Variants in TAF4 observed in about 807,000 individuals in gnomAD.
TAF4 encodes the protein transcription initiation factor TFIID subunit 4.
In TAF4, 9 loss-of-function variants were observed where a neutral mutation model predicts 90.3. The observed-to-expected ratio is 0.10, with a 90% CI of 0.06 to 0.17. The LOEUF (loss-of-function observed/expected upper bound fraction) is 0.17. Among genes scored for constraint, TAF4 ranks in the 10% least tolerant of loss-of-function variants. The pLI is 1.00. For synonymous variants in TAF4, 818 were observed against 638.9 expected (o/e 1.28, Z -4.23); for missense variants, 1,351 against 1,370.7 (o/e 0.99, Z 0.23).
In TAF4 at chr20:62,065,622, C is replaced by T. The variant is rs1309890441; in HGVS notation, c.189G>A (p.Val63=). The change falls in exon 1 of 15, where the codon GTG becomes GTA. Residue 63 remains valine, a synonymous_variant. Transcript: ENST00000252996. ...AAAGALGNHV[V]SGSPAGAAGA... is the part of the protein sequence containing the mutation. The stretch of plus-strand genomic sequence containing the variant: ...CCGCGGCTCCGGCCGGGCTGCCGCT[C>T]ACAACATGGTTCCCGAGCGCGCCGG... 9 of 1,021,068 alleles carry T rather than the reference C, an allele frequency of 8.8e-6. No individual in the cohort carries two copies. Among genetic ancestry groups the T allele is most frequent in the Non-Finnish European group, 1.1e-5 (9 of 854,862 alleles). 63.3% of individuals were successfully genotyped at this position (1,021,068 alleles called of 1,614,324 possible). A position where few individuals can be genotyped will look rare whatever the true frequency, so the allele number is the denominator to read the frequency against.
Position 62,000,700 on chromosome 20 carries a change from A to T in TAF4, c.2508T>A (p.Asp836Glu). 1 of 1,614,260 alleles carries T rather than the reference A, an allele frequency of 6.2e-7. No individual in the cohort carries two copies. Among genetic ancestry groups the T allele is most frequent in the Non-Finnish European group, 8.5e-7 (1 of 1,180,050 alleles). ...GSFRDDDDIN[D>E]VASMAGVNLS... ...AGTTTACTCCAGCCATCGATGCAAC[A>T]TCATTAATGTCATCATCGTCCCTTG... is the stretch of plus-strand genomic sequence containing the variant. Residue 836 changes from aspartate to glutamate, a missense_variant, in exon 10 of 15, where the codon GAT (aspartate) becomes GAA (glutamate). Physicochemically the swap from Asp to Glu is conservative, Grantham distance 45. Transcript: ENST00000252996.
chr20:61,985,632 A>C (rs1226704618), intron 14 of TAF4, among the ~76,000 whole-genome samples: 2 of 151,642 alleles, frequency 1.3e-5, no homozygotes, highest in Non-Finnish European at 2.9e-5. Flanking sequence ...CTGAACACAG[A>C]AGTACATCTA....
rs1426375451 is a variant in TAF4, at chr20:62,007,202, T to C, written c.1974+345A>G. 2.0e-5 allele frequency among the ~76,000 whole-genome samples: 3 copies of C among 152,302 alleles called. No homozygotes were observed. In the East Asian group the frequency reaches 5.8e-4, roughly 29 times the overall value. On this transcript the variant is annotated intron_variant, in intron 6 of 14. Transcript: ENST00000252996. ...TTTTAAAATGTGCTGATACCAATGA[T>C]TACCCAACAGAGACAGCCTGACGCT... is the stretch of plus-strand genomic sequence containing the variant.
At chr20:61,984,516 G>A (rs1226926826) in intron 14 of TAF4, among the ~76,000 whole-genome samples, 6 of 152,322 alleles carry the variant, frequency 3.9e-5, no homozygotes, top group African/African-American at 4.8e-5. Context: ...GAAAAGCTAC[G>A]GGACATCAGC....
At chr20:62,022,427 A>T (rs1378098194) in intron 1 of TAF4, among the ~76,000 whole-genome samples, 2 of 152,188 alleles carry the variant, frequency 1.3e-5, no homozygotes, top group Non-Finnish European at 2.9e-5. Flanking sequence ...AGAGATGAGC[A>T]AAAGTGGTGT....
At chr20:62,026,527 G>C (rs915517169) in intron 1 of TAF4, among the ~76,000 whole-genome samples, 2 of 152,236 alleles carry the variant, frequency 1.3e-5, no homozygotes, top group African/African-American at 4.8e-5. Context: ...ACCGTGGTCA[G>C]GCCTGAGGAG....
At chr20:62,060,527 G>A (rs2056083723) in intron 1 of TAF4, among the ~76,000 whole-genome samples, 1 of 152,226 alleles carries the variant, frequency 6.6e-6, no homozygotes, top group East Asian at 1.9e-4. Context: ...AGGCGATGGT[G>A]ACGACCCCAG....
At chr20:62,030,730 A>G (rs1054874213) in intron 1 of TAF4, among the ~76,000 whole-genome samples, 1 of 152,214 alleles carries the variant, frequency 6.6e-6, no homozygotes, top group Non-Finnish European at 1.5e-5. Flanking sequence ...TAAGTTGCCA[A>G]TAATGTTGAA....
At chr20:62,030,355 T>C (rs559787399) in intron 1 of TAF4, among the ~76,000 whole-genome samples, 1 of 152,322 alleles carries the variant, frequency 6.6e-6, no homozygotes, top group East Asian at 1.9e-4. Context: ...CACCACAGCC[T>C]TTTCATGCCA....
rs546967879 is a variant in TAF4 at position 61,996,072 on chromosome 20, A to C, written c.3090+1478T>G. ...AACCACAGCAAAACACAACACAGAC[A>C]AACCTCTAAAAAATAAAGAACATCT... On this transcript the variant is annotated intron_variant, in intron 14 of 14. Coordinates refer to ENST00000252996, the MANE Select transcript of TAF4 (RefSeq NM_003185.4). Among the ~76,000 whole-genome samples the C allele has an allele frequency of 2.4e-4, 36 of 152,294 alleles. 1 individual carries two copies. In the South Asian group the frequency reaches 6.6e-3, roughly 28 times the overall value.
chr20:62,065,040 G>A lies in TAF4; in HGVS notation c.771C>T (p.Pro257=), dbSNP rs1478613030. 6.4e-6 allele frequency: 4 copies of A among 626,280 alleles called. No homozygotes were observed. In the African/African-American group the frequency reaches 8.6e-5, roughly 13 times the overall value. The allele number at this position is 626,280 out of a possible 1,614,324, so 38.8% of individuals were successfully genotyped here. A position where few individuals can be genotyped will look rare whatever the true frequency, so the allele number is the denominator to read the frequency against. The change falls in exon 1 of 15, where the codon CCC becomes CCT. Residue 257 remains proline (P), a synonymous_variant. Transcript: ENST00000252996. ...AAPPAPAAPS[P]PAAPAPAAPA... ...GGGCGGCGGGCGCGGGGGCGGCGGG[G>A]GGCGAGGGCGCGGCGGGCGCGGGGG...
chr20:62,063,301 T>C lies in TAF4; in HGVS notation c.1360+1150A>G, dbSNP rs560760439. On this transcript the variant is annotated intron_variant, in intron 1 of 14. Transcript: ENST00000252996. The stretch of plus-strand genomic sequence containing the variant: ...TCTGCAACCCTGTCAAAGTGACCAA[T>C]AGCTCCATTCAGAGAGGGGACGCAG... 2.0e-3 allele frequency among the ~76,000 whole-genome samples: 310 copies of C among 152,228 alleles called. 1 individual carries two copies. Among genetic ancestry groups the C allele is most frequent in the Admixed American group, 3.1e-3 (48 of 15,296 alleles).
chr20:62,007,445 A>T (rs903352430), intron 6 of TAF4, 102 bp downstream of exon 6: 46 of 1,111,618 alleles, frequency 4.1e-5, no homozygotes, highest in Non-Finnish European at 6.0e-5. Context: ...AGCGCTGTGC[A>T]CCCTCCGTGC....
chr20:62,062,338 G>A (rs926489846), intron 1 of TAF4, among the ~76,000 whole-genome samples: 2 of 152,070 alleles, frequency 1.3e-5, no homozygotes, highest in African/African-American at 4.8e-5. Flanking sequence ...CTGATTTACA[G>A]AATTAAGTTG....
chr20:61,983,905 G>C (rs1182942931), intron 14 of TAF4, among the ~76,000 whole-genome samples: 2 of 152,186 alleles, frequency 1.3e-5, no homozygotes, highest in African/African-American at 4.8e-5. Flanking sequence ...AAGACACCCA[G>C]GGTGACGGTC....
At chr20:62,024,011 G>A (rs2055860466) in intron 1 of TAF4, among the ~76,000 whole-genome samples, 1 of 152,070 alleles carries the variant, frequency 6.6e-6, no homozygotes, top group African/African-American at 2.4e-5. Context: ...CCGGGACACA[G>A]AGACTGCAGT....
intron 14 of TAF4, among the ~76,000 whole-genome samples, chr20:61,984,586 G>C (rs928688083): frequency 6.6e-6 from 1 of 152,014 alleles, no homozygotes; most frequent in Admixed American, 6.5e-5. Context: ...CACGAGGGCA[G>C]TGCCCGGGAC....
chr20:62,023,747 C>CAAAAAAAAAAAAAAAAAAA (rs59813943), intron 1 of TAF4, among the ~76,000 whole-genome samples: 1 of 59,566 alleles, frequency 1.7e-5, no homozygotes. Context: ...GACTCCATCT[C>CAAAAAAAAAAAAAAAAAAA]AAAAAAAAAA....
Position 61,976,180 on chromosome 20 carries a change from T to C in TAF4, c.3246A>G (p.Ala1082=). ...GCGTCCTCCTGTGTCACTTAAGGAA[T>C]GCTTTGTAGAGCAGCAGTGAATGGC... ...ETSHSLLLYK[A]FLK Residue 1082 remains alanine (A), a synonymous_variant, in exon 15 of 15, where the codon GCA becomes GCG. Transcript: ENST00000252996. The C allele has an allele frequency of 1.2e-6, 2 of 1,614,062 alleles. No homozygotes were observed. Among genetic ancestry groups the C allele is most frequent in the African/African-American group, 1.3e-5 (1 of 75,068 alleles).
Sources: gnomAD v4.1 joint callset for allele counts (sites outside exome capture counted in the v4.1 genomes callset) on GRCh38, gnomAD v4.1.1 for gene constraint, MANE v1.5 for transcripts, NCBI Gene and HGNC (gene_info 2026-07-23, HGNC 2026-07-21) for gene names.